The following CFAP410 variants were observed in gnomAD, a reference collection of about 807,000 sequenced individuals.
CFAP410 encodes cilia and flagella associated protein 410, also known as cilia- and flagella-associated protein 410.
Under a neutral mutation model 25.7 loss-of-function variants are expected in CFAP410, and 27 were observed. The ratio of observed to expected loss-of-function variants is 1.05; its 90% CI spans 0.77 to 1.45. CFAP410 has a LOEUF of 1.45. Ranked by LOEUF, CFAP410 falls within the 40% of genes most tolerant of loss-of-function variation. The probability of loss-of-function intolerance (pLI) is 0.00; values close to 1 mark genes in which losing one functional copy is unlikely to be tolerated. For synonymous variants in CFAP410, 178 were observed against 158.4 expected, an observed-to-expected ratio of 1.12 and a Z score of -0.93; for missense variants, 428 against 354.1, an observed-to-expected ratio of 1.21 and a Z score of -1.67.
At chr21:44,330,506 CG>C in intron 6 of CFAP410, 180 bp from the exon 7 acceptor site, 1 of 1,545,596 alleles carries the variant, frequency 6.5e-7, no homozygotes, top group Non-Finnish European at 8.7e-7. Context: ...CGCCTGTGGA[CG>C]CGTGTGTGGC....
chr21:44,338,283 C>T (rs1347555172), intron 1 of CFAP410: 2 of 1,287,596 alleles, frequency 1.6e-6, no homozygotes, highest in African/African-American at 1.5e-5. Context: ...CTCTCGCTGA[C>T]CCCCACACCC....
rs559286002 is a variant in CFAP410 at position 44,337,389 on chromosome 21, G to A, written c.96+260C>T. Among the ~76,000 whole-genome samples, 101 of 152,286 alleles carry A rather than the reference G, an allele frequency of 6.6e-4. 2 individuals carry two copies. Among genetic ancestry groups the A allele is most frequent in the Middle Eastern group, 6.8e-3 (2 of 294 alleles). ...CCAAACTATTGCTCCCCTCCTCTGC[G>A]ACCAAGTGACAAAGGGTGTTTCATT... On this transcript the variant is annotated intron_variant, in intron 2 of 6. Transcript: ENST00000339818.
chr21:44,333,382 G>T, intron 3 of CFAP410, 120 bp from the exon 4 acceptor site: 1 of 760,132 alleles, frequency 1.3e-6, no homozygotes, highest in Non-Finnish European at 2.2e-6. Context: ...CTCCTGAGAA[G>T]CCTAAATCGG....
intron 5 of CFAP410, 112 bp downstream of exon 5, chr21:44,331,731 C>G: frequency 1.0e-6 from 1 of 996,794 alleles, no homozygotes; most frequent in Admixed American, 2.8e-5. Flanking sequence ...CGGATAATCC[C>G]TGTCCCTCAC....
chr21:44,338,788 T>A (rs1211942212), intron 1 of CFAP410: 14 of 82,488 alleles, frequency 1.7e-4, no homozygotes, highest in African/African-American at 6.8e-4. Context: ...CCCCGGCTCC[T>A]CCCTCCGGCT....
intron 4 of CFAP410, chr21:44,332,388 TTGTC>T (rs1321191680): frequency 7.3e-5 from 14 of 191,036 alleles, no homozygotes; most frequent in African/African-American, 1.6e-4. Flanking sequence ...ATCAATAAAA[TTGTC>T]TGGGAGAAAA....
chr21:44,331,532 A>C, intron 5 of CFAP410: 1 of 383,562 alleles, frequency 2.6e-6, no homozygotes, highest in Non-Finnish European at 4.7e-6. Context: ...CCCCCCCACC[A>C]GGGGCTCCCT....
intron 6 of CFAP410, chr21:44,330,569 C>T (rs1373110241): frequency 2.6e-6 from 4 of 1,549,662 alleles, no homozygotes; most frequent in Non-Finnish European, 2.6e-6. Context: ...CCCGGGCCCA[C>T]ATTCCACAGA....
rs956302882 is a variant in CFAP410, at chr21:44,339,246, C to T, written c.-52G>A. 9.2e-6 allele frequency: 11 copies of T among 1,191,524 alleles called. No homozygotes were observed. Among genetic ancestry groups the T allele is most frequent in the Non-Finnish European group, 1.2e-5 (11 of 894,092 alleles). 73.8% of individuals were successfully genotyped at this position (1,191,524 alleles called of 1,614,324 possible). On this transcript the variant is annotated 5_prime_UTR_variant, in exon 1 of 7. Transcript: ENST00000339818. ...GCGCCCCCGGCCTCCTGATCCCGGG[C>T]GGGTGACGACTGCGCGGCGCGTGTC...
intron 6 of CFAP410, chr21:44,330,584 G>A: frequency 6.5e-7 from 1 of 1,549,786 alleles, no homozygotes; most frequent in Non-Finnish European, 8.7e-7. Flanking sequence ...CACAGACCAG[G>A]ACAGCAGGAG....
At chr21:44,332,602 G>A (rs1001415816) in intron 4 of CFAP410, 8 of 177,766 alleles carry the variant, frequency 4.5e-5, no homozygotes, top group Admixed American at 2.9e-4. Context: ...GCAGGGGCGC[G>A]ATGGCACCGC....
Position 44,337,083 on chromosome 21 carries a change from T to TAA in CFAP410, c.96+564_96+565dup, listed in dbSNP as rs35988245. Among the ~76,000 whole-genome samples the TAA allele has an allele frequency of 4.2e-3, 517 of 121,858 alleles. 8 individuals carry two copies. Among genetic ancestry groups the TAA allele is most frequent in the African/African-American group, 0.014 (468 of 33,786 alleles). The allele number at this position is 121,858 out of a possible 152,430, so 79.9% of individuals were successfully genotyped here. A position where few individuals can be genotyped will look rare whatever the true frequency, so the allele number is the denominator to read the frequency against. The stretch of plus-strand genomic sequence containing the variant: ...CTGGGCAACAGAGAGAGACTCCGTG[T>TAA]AAAAAAAAAAAAAAAAGAAAGAAAC... On this transcript the variant is annotated intron_variant, in intron 2 of 6. Transcript: ENST00000339818.
chr21:44,338,364 G>A (rs2047794014), intron 1 of CFAP410: 1 of 1,243,194 alleles, frequency 8.0e-7, no homozygotes, highest in African/African-American at 1.5e-5. Flanking sequence ...TGGAGATCTT[G>A]CAGGCCTCAA....
chr21:44,330,744 C>T (rs1314771080), intron 6 of CFAP410, 79 bp downstream of exon 6: 2 of 1,550,762 alleles, frequency 1.3e-6, no homozygotes, highest in Non-Finnish European at 1.7e-6. Context: ...TGTGAGGCTC[C>T]ATGCTCCCTC....
rs745656075 is a variant in CFAP410, at chr21:44,333,046, C to T, written c.360G>A (p.Lys120=). 1 of 1,593,110 alleles carries T rather than the reference C, an allele frequency of 6.3e-7. No individual in the cohort carries two copies. Among genetic ancestry groups the T allele is most frequent in the South Asian group, 1.1e-5 (1 of 89,604 alleles). The part of the protein sequence containing the change: ...TVLRTLPRLQ[K]LDNQAVTEEE... ...GCGGCCACCTACCCTGGTTGTCCAG[C>T]TTCTGTAGGCGCGGCAGGGTGCGCA... is the stretch of plus-strand genomic sequence containing the variant. The change falls in exon 4 of 7, where the codon AAG becomes AAA. Residue 120 remains lysine, a synonymous_variant. Coordinates refer to ENST00000339818, the MANE Select transcript of CFAP410 (RefSeq NM_004928.3).
intron 2 of CFAP410, chr21:44,336,824 C>G (rs572707626): frequency 1.3e-5 from 2 of 152,130 alleles, no homozygotes; most frequent in South Asian, 4.2e-4. Flanking sequence ...TGGCTCATAC[C>G]TGTAATTCCA....
chr21:44,331,025 C>A (rs2047638320), intron 5 of CFAP410, 106 bp from the exon 6 acceptor site: 3 of 1,025,272 alleles, frequency 2.9e-6, no homozygotes, highest in East Asian at 2.6e-5. Flanking sequence ...GGGGCTCATA[C>A]AAATCCCACC....
Position 44,331,978 on chromosome 21 carries a change from T to C in CFAP410, c.410A>G (p.Glu137Gly). The C allele has an allele frequency of 6.2e-7, 1 of 1,612,804 alleles. No individual in the cohort carries two copies. Among genetic ancestry groups the C allele is most frequent in the South Asian group, 1.1e-5 (1 of 90,942 alleles). The change falls in exon 5 of 7, where the codon GAG becomes GGG. Residue 137 changes from glutamate (E) to glycine (G), a missense_variant. Physicochemically the swap from Glu to Gly is moderately conservative, Grantham distance 98. Transcript: ENST00000339818. ...TEEELSRALS[E>G]GEEITAAPER... ...TGGGGCCGCAGTGATCTCCTCTCCC[T>C]CACTCAGTGCACGGGACAGCTCCTC...
chr21:44,339,077 T>C (rs944150653), intron 1 of CFAP410, 41 bp downstream of exon 1: 5 of 1,186,610 alleles, frequency 4.2e-6, no homozygotes, highest in South Asian at 1.8e-5. Flanking sequence ...CCCCGGCTCC[T>C]CCCCCCACCC....
Sources: allele counts gnomAD v4.1 joint callset (sites outside exome capture counted in the v4.1 genomes callset), GRCh38; gene constraint gnomAD v4.1.1; transcripts MANE v1.5; gene names NCBI Gene and HGNC (gene_info 2026-07-23, HGNC 2026-07-21).